The following LRBA variants were observed in gnomAD, a reference collection of about 807,000 sequenced individuals.
LRBA encodes the protein LPS responsive beige-like anchor protein, also known as lipopolysaccharide-responsive and beige-like anchor protein.
Under a neutral mutation model 330.0 loss-of-function variants are expected in LRBA, and 176 were observed. That is an observed-to-expected ratio of 0.53 (90% CI 0.47 to 0.60). The LOEUF (loss-of-function observed/expected upper bound fraction) is 0.60, where lower values mean the gene tolerates loss of function less well. Among genes scored for constraint, LRBA ranks in the 20% least tolerant of loss-of-function variants. LRBA has a pLI of 0.00. For synonymous variants in LRBA, 1,230 were observed against 1,193.0 expected, an observed-to-expected ratio of 1.03 and a Z score of -0.64; for missense variants, 3,259 against 3,444.8, an observed-to-expected ratio of 0.95 and a Z score of 1.35.
chr4:150,415,088 C>T (rs1187153133), intron 47 of LRBA, among the ~76,000 whole-genome samples: 1 of 152,060 alleles, frequency 6.6e-6, no homozygotes, highest in East Asian at 1.9e-4. Flanking sequence ...TGTGCAATGG[C>T]CTTCTAACCT....
intron 46 of LRBA, among the ~76,000 whole-genome samples, chr4:150,430,652 T>A (rs1221130267): frequency 6.6e-6 from 1 of 152,182 alleles, no homozygotes; most frequent in African/African-American, 2.4e-5. Context: ...ATTTTAAAAG[T>A]AAATGATATC....
chr4:150,565,362 G>A (rs1405250280), intron 40 of LRBA, among the ~76,000 whole-genome samples: 1 of 152,068 alleles, frequency 6.6e-6, no homozygotes, highest in Non-Finnish European at 1.5e-5. Context: ...GGGAAGGGGA[G>A]GAAGAGTATG....
chr4:150,482,104 A>T (rs114262704), intron 42 of LRBA, among the ~76,000 whole-genome samples: 2,399 of 152,210 alleles, frequency 0.016, 28 homozygotes, highest in Non-Finnish European at 0.024. Context: ...TGAGTTTTCT[A>T]AACATAGAGG....
intron 47 of LRBA, among the ~76,000 whole-genome samples, chr4:150,354,170 A>G (rs1407525366): frequency 6.6e-6 from 1 of 152,148 alleles, no homozygotes; most frequent in Non-Finnish European, 1.5e-5. Flanking sequence ...TATAACTCCC[A>G]TTTTTAAGAT....
At chr4:150,650,653 T>C (rs549595602) in intron 37 of LRBA, among the ~76,000 whole-genome samples, 2 of 152,290 alleles carry the variant, frequency 1.3e-5, no homozygotes, top group East Asian at 3.9e-4. Flanking sequence ...TCTGGTCAGA[T>C]AGTAAACTGT....
chr4:150,516,086 T>C (rs1762304133), intron 40 of LRBA, among the ~76,000 whole-genome samples: 1 of 151,720 alleles, frequency 6.6e-6, no homozygotes, highest in Non-Finnish European at 1.5e-5. Flanking sequence ...TACCAGAAAA[T>C]AGTCAATAAA....
intron 40 of LRBA, chr4:150,581,261 T>C (rs763402173): frequency 1.0e-4 from 41 of 399,500 alleles, no homozygotes; most frequent in Non-Finnish European, 1.6e-4. Context: ...GTTTTTGCCC[T>C]GCCCTGTTTT....
At chr4:150,961,078 C>G (rs1033317931) in intron 2 of LRBA, among the ~76,000 whole-genome samples, 1 of 148,932 alleles carries the variant, frequency 6.7e-6, no homozygotes, top group South Asian at 2.1e-4. Context: ...ATGGGGGAGA[C>G]AGGCTTTGAT....
rs370438098 is a variant in LRBA, at chr4:150,828,558, G to A, written c.4793C>T (p.Ser1598Leu). Residue 1598 changes from serine to leucine, a missense_variant, in exon 30 of 57, where the codon TCA becomes TTA. Physicochemically the swap from Ser to Leu is moderately radical, Grantham distance 145. Coordinates refer to ENST00000651943, the MANE Select transcript of LRBA (RefSeq NM_001364905.1). ...TASVEESEST[S>L]SARRRDSGIG... ...GCCTGAGTCCCTCCTTCGAGCAGAT[G>A]ATGTGCTTTCAGATTCTTCCACTGA... 20 of 1,613,982 alleles carry A rather than the reference G, an allele frequency of 1.2e-5. No individual in the cohort carries two copies. The highest frequency in any genetic ancestry group is 4.0e-5 in the African/African-American group (3 of 74,928).
chr4:150,896,345 A>G, intron 16 of LRBA, 49 bp downstream of exon 16: 1 of 971,340 alleles, frequency 1.0e-6, no homozygotes, highest in South Asian at 1.5e-5. Context: ...AAAAAAGTCT[A>G]ATGTAGCTTC....
At chr4:150,334,663 T>C (rs149140495) in intron 48 of LRBA, among the ~76,000 whole-genome samples, 1,643 of 152,238 alleles carry the variant, frequency 0.011, 26 homozygotes, top group African/African-American at 0.038. Flanking sequence ...TAAAAATTTA[T>C]ACTTTCCTCA....
rs757541041 is a variant in LRBA, at chr4:150,896,384, C to T, written c.2067+10G>A. On this transcript the variant is annotated intron_variant, in intron 16 of 56. Transcript: ENST00000651943. Reference sequence around the variant, plus strand: ...AATTAAAATTTCAAAATATAAAATTCATATATTACCTCATGCATAGTCAGT... The same window carrying T: ...AATTAAAATTTCAAAATATAAAATTTATATATTACCTCATGCATAGTCAGT... 1.4e-6 allele frequency: 2 copies of T among 1,381,706 alleles called. No individual in the cohort carries two copies. The highest frequency in any genetic ancestry group is 2.0e-6 in the Non-Finnish European group (2 of 993,420). The allele number at this position is 1,381,706 out of a possible 1,614,324, so 85.6% of individuals were successfully genotyped here.
At position 150,631,312 on chromosome 4, in the gene LRBA, C is replaced by T. The variant is rs544511085; in HGVS notation, c.5922-32181G>A. 1.9e-3 allele frequency among the ~76,000 whole-genome samples: 293 copies of T among 152,086 alleles called. 3 individuals are homozygous for T. The highest frequency in any genetic ancestry group is 6.8e-3 in the African/African-American group (281 of 41,512). ...AGTTGCTGCTGCTACTACTACCATT[C>T]CTAACATTTTTATTAGTATGTAGTA... On this transcript the variant is annotated intron_variant, in intron 37 of 56. Coordinates refer to ENST00000651943, the MANE Select transcript of LRBA (RefSeq NM_001364905.1).
At chr4:150,376,032 A>G (rs1741265261) in intron 47 of LRBA, among the ~76,000 whole-genome samples, 1 of 152,214 alleles carries the variant, frequency 6.6e-6, no homozygotes, top group Non-Finnish European at 1.5e-5. Flanking sequence ...CCAGATAGGT[A>G]AAAATAATTA....
chr4:150,889,862 G>C (rs1341290087), intron 17 of LRBA, among the ~76,000 whole-genome samples: 1 of 151,876 alleles, frequency 6.6e-6, no homozygotes, highest in Non-Finnish European at 1.5e-5. Flanking sequence ...GTTATAGCAG[G>C]AAAGTAACCA....
intron 35 of LRBA, among the ~76,000 whole-genome samples, chr4:150,749,182 AG>A (rs550163408): frequency 4.1e-4 from 63 of 152,292 alleles, no homozygotes; most frequent in Admixed American, 1.9e-3. Flanking sequence ...CATAAGGAAA[AG>A]CTTCATGACC....
intron 53 of LRBA, among the ~76,000 whole-genome samples, chr4:150,300,841 ATAC>A (rs1729582096): frequency 6.6e-6 from 1 of 152,140 alleles, no homozygotes; most frequent in Non-Finnish European, 1.5e-5. Context: ...TAGTAATTAC[ATAC>A]AAGTGTAGCT....
In LRBA at chr4:150,765,126, G is replaced by T. The variant is rs571257591; in HGVS notation, c.5581-3279C>A. 2.0e-5 allele frequency among the ~76,000 whole-genome samples: 3 copies of T among 151,632 alleles called. No homozygotes were observed. In the South Asian group the frequency reaches 6.2e-4, roughly 31 times the overall value. On this transcript the variant is annotated intron_variant, in intron 34 of 56. Coordinates refer to ENST00000651943, the MANE Select transcript of LRBA (RefSeq NM_001364905.1). Reference sequence around the variant, plus strand: ...CTATCAAGCCATGAAAGGACATGGAGAAAATGTAAAAGTATATTACTAAGA... The same window carrying T: ...CTATCAAGCCATGAAAGGACATGGATAAAATGTAAAAGTATATTACTAAGA...
At chr4:150,800,179 T>C (rs1741397561) in intron 33 of LRBA, among the ~76,000 whole-genome samples, 1 of 152,240 alleles carries the variant, frequency 6.6e-6, no homozygotes, top group Non-Finnish European at 1.5e-5. Context: ...GATATGAATA[T>C]TCAGGAAAAA....
Sources: gnomAD v4.1 joint callset for allele counts (sites outside exome capture counted in the v4.1 genomes callset) on GRCh38, gnomAD v4.1.1 for gene constraint, MANE v1.5 for transcripts, NCBI Gene and HGNC (gene_info 2026-07-23, HGNC 2026-07-21) for gene names.